Variants in TRIM55 observed in about 807,000 individuals in gnomAD.
TRIM55 encodes the protein tripartite motif containing 55.
Under a neutral mutation model 60.9 loss-of-function variants are expected in TRIM55, and 50 were observed. The observed-to-expected ratio is 0.82, with a 90% CI of 0.65 to 1.04. TRIM55 has a LOEUF of 1.04. Among genes scored for constraint, TRIM55 ranks in the 50% least tolerant of loss-of-function variants. The pLI, the probability that TRIM55 is intolerant of heterozygous loss-of-function variation, is 0.00. For synonymous variants in TRIM55, 237 were observed against 238.1 expected (o/e 1.00, Z 0.04); for missense variants, 681 against 666.9 (o/e 1.02, Z -0.23).
chr8:66,145,991 G>T (rs960201318), intron 4 of TRIM55, among the ~76,000 whole-genome samples: 3 of 152,174 alleles, frequency 2.0e-5, no homozygotes, highest in Non-Finnish European at 4.4e-5. Context: ...TGACAGCTCT[G>T]CTGGGTTTCA....
At chr8:66,153,994 C>CT in intron 8 of TRIM55, 53 bp from the exon 9 acceptor site, 1 of 1,522,604 alleles carries the variant, frequency 6.6e-7, no homozygotes, top group East Asian at 2.3e-5. Context: ...GCTTTTTCTT[C>CT]TTCTTCTTCT....
intron 8 of TRIM55, among the ~76,000 whole-genome samples, chr8:66,153,730 A>G (rs1810568460): frequency 6.6e-6 from 1 of 152,070 alleles, no homozygotes; most frequent in Non-Finnish European, 1.5e-5. Context: ...CAATAGTTTG[A>G]CCCTTTTCCC....
At chr8:66,142,488 T>C (rs988595495) in intron 4 of TRIM55, among the ~76,000 whole-genome samples, 1 of 152,234 alleles carries the variant, frequency 6.6e-6, no homozygotes, top group African/African-American at 2.4e-5. Flanking sequence ...GTCTGACAAG[T>C]GGCTTTCACT....
intron 1 of TRIM55, among the ~76,000 whole-genome samples, chr8:66,127,922 T>C (rs1222008500): frequency 6.6e-6 from 1 of 152,262 alleles, no homozygotes; most frequent in Non-Finnish European, 1.5e-5. Flanking sequence ...ATTTGGTTTG[T>C]GTCCTCTTTA....
At chr8:66,122,440 C>T (rs1319123283), upstream of TRIM55, among the ~76,000 whole-genome samples, 3 of 152,188 alleles carry the variant, frequency 2.0e-5, no homozygotes, top group East Asian at 1.9e-4. Flanking sequence ...ATTGATGTCT[C>T]ATGTCTCCCT....
chr8:66,158,141 CCACACACACACACACACACACACACACA>C (rs35285600), intron 9 of TRIM55, among the ~76,000 whole-genome samples: 86 of 114,874 alleles, frequency 7.5e-4, no homozygotes, highest in African/African-American at 2.1e-3. Context: ...GATCTCCCCA[CCACACACACACACACACACACACACACA>C]CACACACACA....
the TRIM55 span, chr8:66,113,593 C>T: frequency 2.0e-5 from 9 of 456,178 alleles, no homozygotes; most frequent in South Asian, 3.1e-5. Context: ...TCCCAGCCTG[C>T]ACGGTAATTC....
At chr8:66,119,265 C>T in the TRIM55 span, among the ~76,000 whole-genome samples, 1 of 152,186 alleles carries the variant, frequency 6.6e-6, no homozygotes, top group Non-Finnish European at 1.5e-5. Context: ...AGAGGCTGAG[C>T]CAAGAGTAAG....
In TRIM55 at chr8:66,169,646, C is replaced by T. The variant is rs186880849; in HGVS notation, c.1525-4825C>T. On this transcript the variant is annotated intron_variant, in intron 9 of 9. Coordinates refer to ENST00000315962, the MANE Select transcript of TRIM55 (RefSeq NM_184085.2). ...TAAATACAAGACATTGCTTGCTTTC[C>T]TTTTTACTCTGAGCATAGCAACTGT... Among the ~76,000 whole-genome samples, 85 of 151,456 alleles carry T rather than the reference C, an allele frequency of 5.6e-4. No individual in the cohort carries two copies. The East Asian group carries it at 0.016, about 28-fold the overall frequency.
At chr8:66,120,193 A>G in the TRIM55 span, among the ~76,000 whole-genome samples, 2 of 152,092 alleles carry the variant, frequency 1.3e-5, no homozygotes, top group Non-Finnish European at 1.5e-5. Flanking sequence ...TATTTGTTGT[A>G]GTGGTATAAT....
At chr8:66,135,829 C>T (rs952732013) in intron 3 of TRIM55, among the ~76,000 whole-genome samples, 3 of 152,102 alleles carry the variant, frequency 2.0e-5, no homozygotes, top group Non-Finnish European at 2.9e-5. Flanking sequence ...ACCAACCTGC[C>T]AACCTGGTTT....
intron 4 of TRIM55, among the ~76,000 whole-genome samples, chr8:66,139,812 G>GA (rs1809700018): frequency 6.6e-6 from 1 of 151,934 alleles, no homozygotes; most frequent in Non-Finnish European, 1.5e-5. Flanking sequence ...TTTATAAGAT[G>GA]AAAAAACATA....
At chr8:66,136,659 T>A (rs1323139634) in intron 3 of TRIM55, among the ~76,000 whole-genome samples, 8 of 152,244 alleles carry the variant, frequency 5.3e-5, no homozygotes, top group Admixed American at 3.3e-4. Context: ...CTTAGTCTAA[T>A]GTGTGAGTGT....
At chr8:66,134,232 T>C (rs1426343576) in intron 2 of TRIM55, among the ~76,000 whole-genome samples, 1 of 152,236 alleles carries the variant, frequency 6.6e-6, no homozygotes, top group African/African-American at 2.4e-5. Flanking sequence ...TGAAGAAAGC[T>C]TCTGGATTTG....
upstream of TRIM55, among the ~76,000 whole-genome samples, chr8:66,126,440 CA>C (rs1808823071): frequency 6.6e-6 from 1 of 152,156 alleles, no homozygotes; most frequent in African/African-American, 2.4e-5. Context: ...TGTGGAAGAG[CA>C]AACAGCATAC....
chr8:66,116,027 CT>C, the TRIM55 span, among the ~76,000 whole-genome samples: 2 of 152,008 alleles, frequency 1.3e-5, no homozygotes, highest in African/African-American at 4.8e-5. Flanking sequence ...CAGCGAAGGC[CT>C]GGGGGAATTA....
chr8:66,119,424 A>G, the TRIM55 span, among the ~76,000 whole-genome samples: 2 of 152,220 alleles, frequency 1.3e-5, no homozygotes, highest in East Asian at 3.8e-4. Flanking sequence ...TGATGAACAA[A>G]TGGCTCCTTA....
chr8:66,147,266 G>A (rs1375352982), intron 4 of TRIM55, among the ~76,000 whole-genome samples: 1 of 152,178 alleles, frequency 6.6e-6, no homozygotes, highest in Non-Finnish European at 1.5e-5. Context: ...ATGGGTGGAT[G>A]ACAGTGGTAA....
chr8:66,169,498 T>C (rs1394073748), intron 9 of TRIM55, among the ~76,000 whole-genome samples: 1 of 152,242 alleles, frequency 6.6e-6, no homozygotes, highest in Non-Finnish European at 1.5e-5. Flanking sequence ...TTCCTTTTCT[T>C]TGACACCTTC....
Sources: gnomAD v4.1 joint callset for allele counts (sites outside exome capture counted in the v4.1 genomes callset) on GRCh38, gnomAD v4.1.1 for gene constraint, MANE v1.5 for transcripts, NCBI Gene and HGNC (gene_info 2026-07-23, HGNC 2026-07-21) for gene names.